GABRB1: variants seen among roughly 807,000 people sequenced by gnomAD.
GABRB1 encodes gamma-aminobutyric acid receptor subunit beta-1.
Under a neutral mutation model 51.6 loss-of-function variants are expected in GABRB1, and 17 were observed. The ratio of observed to expected loss-of-function variants is 0.33; its 90% CI spans 0.23 to 0.49. The LOEUF (loss-of-function observed/expected upper bound fraction) is 0.49. GABRB1 is among the 20% of genes least tolerant of loss of function. The probability of loss-of-function intolerance (pLI) is 0.99; values close to 1 mark genes in which losing one functional copy is unlikely to be tolerated. For missense variants in GABRB1, 410 were observed against 600.6 expected, an observed-to-expected ratio of 0.68 and a Z score of 3.32; for synonymous variants, 247 against 218.9, an observed-to-expected ratio of 1.13 and a Z score of -1.14.
chr4:47,081,911 T>A (rs1288453037), intron 3 of GABRB1, among the ~76,000 whole-genome samples: 1 of 152,116 alleles, frequency 6.6e-6, no homozygotes, highest in East Asian at 1.9e-4. Flanking sequence ...GTGGTTTTAT[T>A]TCTCTGGGCT....
intron 4 of GABRB1, among the ~76,000 whole-genome samples, chr4:47,204,197 C>T (rs562758105): frequency 5.3e-5 from 8 of 152,272 alleles, no homozygotes; most frequent in African/African-American, 1.9e-4. Context: ...TCTGGGTTCT[C>T]TGGTTACATG....
chr4:47,132,373 G>T (rs544704743), intron 3 of GABRB1, among the ~76,000 whole-genome samples: 1 of 145,666 alleles, frequency 6.9e-6, no homozygotes, highest in South Asian at 2.3e-4. Context: ...ACGTTTTTTC[G>T]TTTGTTTGTT....
intron 3 of GABRB1, 151 bp downstream of exon 3, chr4:47,032,635 C>A (rs930660639): frequency 1.3e-6 from 1 of 760,638 alleles, no homozygotes. Context: ...CACACACACC[C>A]GGTCGCCCCT....
In GABRB1 at chr4:47,189,505, C is replaced by T. The variant is rs1002170026; in HGVS notation, c.461+28036C>T. On this transcript the variant is annotated intron_variant, in intron 4 of 8. Coordinates refer to ENST00000295454, the MANE Select transcript of GABRB1 (RefSeq NM_000812.4). ...CCAATAACCTCTATAAATGAAGAGA[C>T]TCAATTCTAAGTAGAATTCTAAGTA... Among the ~76,000 whole-genome samples the T allele has an allele frequency of 2.6e-5, 4 of 151,616 alleles. No homozygotes were observed. In the South Asian group the frequency reaches 6.2e-4, roughly 24 times the overall value.
intron 4 of GABRB1, among the ~76,000 whole-genome samples, chr4:47,296,259 T>C (rs564880684): frequency 1.3e-5 from 2 of 152,162 alleles, no homozygotes; most frequent in African/African-American, 4.8e-5. Context: ...CACATAACAA[T>C]ATTAACCTTA....
intron 1 of GABRB1, among the ~76,000 whole-genome samples, chr4:47,004,039 G>C (rs1397428847): frequency 6.6e-6 from 1 of 152,116 alleles, no homozygotes; most frequent in Non-Finnish European, 1.5e-5. Context: ...CCCCAGGCTG[G>C]AGTGCAGTGG....
At chr4:47,120,468 T>C (rs1715728095) in intron 3 of GABRB1, among the ~76,000 whole-genome samples, 1 of 152,186 alleles carries the variant, frequency 6.6e-6, no homozygotes, top group Admixed American at 6.5e-5. Context: ...TTTACCTCGC[T>C]GCAGCTGAAC....
chr4:47,239,232 C>T (rs1197013795), intron 4 of GABRB1, among the ~76,000 whole-genome samples: 1 of 152,122 alleles, frequency 6.6e-6, no homozygotes, highest in Non-Finnish European at 1.5e-5. Context: ...GTAAACTCTT[C>T]CCAGACAATG....
At chr4:47,258,107 C>G (rs1407138187) in intron 4 of GABRB1, among the ~76,000 whole-genome samples, 1 of 152,078 alleles carries the variant, frequency 6.6e-6, no homozygotes, top group East Asian at 1.9e-4. Context: ...ATGTTCACCT[C>G]CTCTTCAGTT....
At chr4:47,174,326 C>T (rs1271467459) in intron 4 of GABRB1, among the ~76,000 whole-genome samples, 1 of 152,082 alleles carries the variant, frequency 6.6e-6, no homozygotes, top group Non-Finnish European at 1.5e-5. Context: ...CTGGGCCTTG[C>T]AGTGTTGGGA....
chr4:47,204,766 C>G (rs190223630), intron 4 of GABRB1, among the ~76,000 whole-genome samples: 10 of 152,142 alleles, frequency 6.6e-5, no homozygotes, highest in African/African-American at 2.2e-4. Context: ...TCCTCCTTGC[C>G]TTCTGCCATG....
chr4:47,401,448 G>A (rs888594972), intron 5 of GABRB1, among the ~76,000 whole-genome samples: 28 of 152,032 alleles, frequency 1.8e-4, no homozygotes, highest in African/African-American at 6.8e-4. Context: ...TCTTTAGTAG[G>A]CCCAACAGCC....
At chr4:47,367,928 C>A (rs17571673) in intron 5 of GABRB1, among the ~76,000 whole-genome samples, 1 of 152,148 alleles carries the variant, frequency 6.6e-6, no homozygotes, top group African/African-American at 2.4e-5. Context: ...CACATTCTAG[C>A]TCACATGAAA....
At chr4:47,252,073 C>T (rs907465206) in intron 4 of GABRB1, among the ~76,000 whole-genome samples, 4 of 148,024 alleles carry the variant, frequency 2.7e-5, no homozygotes, top group African/African-American at 5.0e-5. Context: ...GTGGTGTTCC[C>T]GCCACCGCCC....
intron 4 of GABRB1, among the ~76,000 whole-genome samples, chr4:47,165,356 T>TGA (rs1429155886): frequency 6.6e-6 from 1 of 151,992 alleles, no homozygotes; most frequent in African/African-American, 2.4e-5. Flanking sequence ...CTTCAGTTTC[T>TGA]GCTTTGAGCA....
chr4:47,243,106 C>G (rs1721597227), intron 4 of GABRB1, among the ~76,000 whole-genome samples: 1 of 152,202 alleles, frequency 6.6e-6, no homozygotes, highest in Non-Finnish European at 1.5e-5. Flanking sequence ...CTACATATGG[C>G]TAGCCAGTTT....
intron 4 of GABRB1, among the ~76,000 whole-genome samples, chr4:47,287,412 GT>G (rs375302589): frequency 1.6e-4 from 25 of 152,174 alleles, no homozygotes; most frequent in East Asian, 3.9e-4. Context: ...TCCTATCAGG[GT>G]TTTTTTCACA....
intron 4 of GABRB1, among the ~76,000 whole-genome samples, chr4:47,281,288 T>G (rs776539957): frequency 2.0e-5 from 3 of 152,076 alleles, no homozygotes; most frequent in Non-Finnish European, 2.9e-5. Context: ...AGAGAAATGT[T>G]AAAAAATGCT....
At chr4:47,310,128 A>G (rs1222748821) in intron 4 of GABRB1, among the ~76,000 whole-genome samples, 1 of 152,170 alleles carries the variant, frequency 6.6e-6, no homozygotes, top group African/African-American at 2.4e-5. Context: ...TTGCATTGCA[A>G]TCCTGAGTGA....
Sources: allele counts gnomAD v4.1 joint callset (sites outside exome capture counted in the v4.1 genomes callset), GRCh38; gene constraint gnomAD v4.1.1; transcripts MANE v1.5; gene names NCBI Gene and HGNC (gene_info 2026-07-23, HGNC 2026-07-21).